Variants in LGR6 observed in about 807,000 individuals in gnomAD.
The protein encoded by LGR6 is leucine-rich repeat-containing G protein-coupled receptor 6.
Under a neutral mutation model 69.4 loss-of-function variants are expected in LGR6, and 45 were observed. The observed-to-expected ratio is 0.65, with a 90% CI of 0.51 to 0.83. The LOEUF (loss-of-function observed/expected upper bound fraction) is 0.83. LGR6 is among the 40% of genes least tolerant of loss of function. The pLI is 0.00. For missense variants in LGR6, 1,108 were observed against 1,246.7 expected (o/e 0.89, Z 1.68); for synonymous variants, 538 against 555.0 (o/e 0.97, Z 0.43).
chr1:202,300,726 G>A, intron 7 of LGR6, 123 bp from the exon 8 acceptor site: 1 of 593,590 alleles, frequency 1.7e-6, no homozygotes, highest in Non-Finnish European at 3.0e-6. Context: ...GAATCTCCAG[G>A]CCAATGCCTC....
Position 202,276,492 on chromosome 1 carries a change from G to A in LGR6, c.615G>A (p.Ala205=), listed in dbSNP as rs571518309. The stretch of plus-strand genomic sequence containing the variant: ...GCATCAGCCACATCCCCGACTACGC[G>A]TTCCAGAATCTCACCAGCCTTGTGG... ...LNRISHIPDY[A]FQNLTSLVVL... Residue 205 remains alanine (A), a synonymous_variant, in exon 5 of 18, where the codon GCG becomes GCA. Transcript: ENST00000367278. 41 of 1,614,094 alleles carry A rather than the reference G, an allele frequency of 2.5e-5. No individual in the cohort carries two copies. The highest frequency in any genetic ancestry group is 1.3e-4 in the East Asian group (6 of 44,876).
intron 6 of LGR6, among the ~76,000 whole-genome samples, chr1:202,285,932 C>A (rs1341117107): frequency 1.3e-5 from 2 of 152,210 alleles, no homozygotes; most frequent in Non-Finnish European, 2.9e-5. Context: ...CCTCTCACCT[C>A]ACTTCTGGTG....
intron 4 of LGR6, among the ~76,000 whole-genome samples, chr1:202,256,226 T>G (rs1423423854): frequency 6.6e-6 from 1 of 152,176 alleles, no homozygotes; most frequent in Admixed American, 6.5e-5. Flanking sequence ...AACAGCACTT[T>G]ATTCCTTTTT....
At chr1:202,237,286 G>A (rs1245064984) in intron 4 of LGR6, among the ~76,000 whole-genome samples, 5 of 152,200 alleles carry the variant, frequency 3.3e-5, no homozygotes, top group African/African-American at 1.2e-4. Flanking sequence ...TGTGCCCCTA[G>A]AGGCCAACGT....
At chr1:202,199,584 G>A (rs368962305) in intron 1 of LGR6, among the ~76,000 whole-genome samples, 2 of 13,102 alleles carry the variant, frequency 1.5e-4, no homozygotes, top group African/African-American at 2.7e-4. Flanking sequence ...ACTCCACCCC[G>A]CCTTCCCCCC....
Position 202,225,430 on chromosome 1 carries a change from A to G in LGR6, c.220A>G (p.Ser74Gly). Residue 74 changes from serine (S) to glycine (G), a missense_variant, in exon 2 of 18, where the codon AGC becomes GGC. Transcript: ENST00000367278. ...CCATCTTCTCTCCACCAGGGACCTCAGCATGAACAACCTCACAGAGCTTCA... is the reference window on the plus strand; with the variant it reads ...CCATCTTCTCTCCACCAGGGACCTCGGCATGAACAACCTCACAGAGCTTCA... The part of the protein sequence containing the change: ...LDPLTAYLDL[S>G]MNNLTELQPG... The G allele has an allele frequency of 6.2e-7, 1 of 1,613,878 alleles. No individual in the cohort carries two copies. Among genetic ancestry groups the G allele is most frequent in the Non-Finnish European group, 8.5e-7 (1 of 1,179,790 alleles).
Position 202,318,006 on chromosome 1 carries a change from T to C in LGR6, c.1703T>C (p.Val568Ala). ...LFESWGIRLA[V>A]WAIVLLSVLC... ...GAAAGCTGGGGCATCCGCCTGGCCGTGTGGGCCATCGTGTTGCTCTCCGTG... is the reference window on the plus strand; with the variant it reads ...GAAAGCTGGGGCATCCGCCTGGCCGCGTGGGCCATCGTGTTGCTCTCCGTG... Residue 568 changes from valine (V) to alanine (A), a missense_variant, in exon 18 of 18, where the codon GTG becomes GCG. Coordinates refer to ENST00000367278, the MANE Select transcript of LGR6 (RefSeq NM_001017403.2). 1.2e-6 allele frequency: 2 copies of C among 1,614,154 alleles called. No individual in the cohort carries two copies. The highest frequency in any genetic ancestry group is 1.7e-6 in the Non-Finnish European group (2 of 1,180,014).
intron 4 of LGR6, among the ~76,000 whole-genome samples, chr1:202,267,267 A>G (rs370470921): frequency 1.3e-5 from 2 of 152,046 alleles, no homozygotes; most frequent in East Asian, 1.9e-4. Context: ...CCCAGATTAT[A>G]TGTAGGTCAA....
intron 1 of LGR6, among the ~76,000 whole-genome samples, chr1:202,209,345 G>T (rs980568736): frequency 2.0e-5 from 3 of 152,160 alleles, no homozygotes; most frequent in African/African-American, 4.8e-5. Context: ...GAGGTCAGAG[G>T]CCTCTCCCTG....
chr1:202,224,804 T>C (rs1660399242), intron 1 of LGR6, among the ~76,000 whole-genome samples: 1 of 152,072 alleles, frequency 6.6e-6, no homozygotes, highest in African/African-American at 2.4e-5. Context: ...TGCCCCCGGG[T>C]TGGGGACCCC....
chr1:202,228,486 T>C (rs1406095381), intron 3 of LGR6, among the ~76,000 whole-genome samples: 2 of 152,202 alleles, frequency 1.3e-5, no homozygotes, highest in Admixed American at 6.5e-5. Flanking sequence ...TATTCCCTCC[T>C]TCGGTCTTCA....
At chr1:202,309,002 C>A in intron 14 of LGR6, 49 bp from the exon 15 acceptor site, 1 of 1,608,404 alleles carries the variant, frequency 6.2e-7, no homozygotes, top group East Asian at 2.2e-5. Context: ...GCCCTGCCCC[C>A]TCAGCAATCC....
chr1:202,258,213 G>A (rs576123832), intron 4 of LGR6, among the ~76,000 whole-genome samples: 7 of 151,254 alleles, frequency 4.6e-5, no homozygotes, highest in South Asian at 4.2e-4. Context: ...ATTTCTTTGC[G>A]GATTTTTATT....
chr1:202,194,709 G>GGGGGGC, intron 1 of LGR6: 2 of 274,088 alleles, frequency 7.3e-6, no homozygotes, highest in Non-Finnish European at 1.5e-5. Flanking sequence ...TGGGGGCGGG[G>GGGGGGC]GGGGCGGGTT....
intron 9 of LGR6, among the ~76,000 whole-genome samples, chr1:202,302,484 G>A (rs976447735): frequency 2.0e-5 from 3 of 152,138 alleles, no homozygotes; most frequent in East Asian, 1.9e-4. Context: ...CAATAAAATA[G>A]GAGATGGTGG....
chr1:202,210,798 G>A (rs981456870), intron 1 of LGR6: 4 of 152,188 alleles, frequency 2.6e-5, no homozygotes, highest in African/African-American at 9.7e-5. Flanking sequence ...AAAGGTATGT[G>A]CCTGCCCCTA....
intron 6 of LGR6, among the ~76,000 whole-genome samples, chr1:202,294,360 A>C (rs1206558889): frequency 5.3e-5 from 8 of 152,224 alleles, no homozygotes; most frequent in African/African-American, 1.7e-4. Flanking sequence ...GCTACATAAC[A>C]AATCACCCCA....
chr1:202,304,674 A>G, intron 11 of LGR6, 44 bp downstream of exon 11: 1 of 1,495,888 alleles, frequency 6.7e-7, no homozygotes, highest in South Asian at 1.2e-5. Flanking sequence ...TTGTGCCCCT[A>G]CCCCCATGTC....
intron 3 of LGR6, among the ~76,000 whole-genome samples, chr1:202,231,789 T>G (rs1273170396): frequency 6.6e-6 from 1 of 152,156 alleles, no homozygotes; most frequent in Non-Finnish European, 1.5e-5. Flanking sequence ...TAAAGGAAAC[T>G]TAAAATCAAA....
Sources: gnomAD v4.1 joint callset for allele counts (sites outside exome capture counted in the v4.1 genomes callset) on GRCh38, gnomAD v4.1.1 for gene constraint, MANE v1.5 for transcripts, NCBI Gene and HGNC (gene_info 2026-07-23, HGNC 2026-07-21) for gene names.